ARHGAP42: variants seen among roughly 807,000 people sequenced by gnomAD.
The protein encoded by ARHGAP42 is rho GTPase-activating protein 42.
Under a neutral mutation model 125.0 loss-of-function variants are expected in ARHGAP42, and 63 were observed. The observed-to-expected ratio is 0.50, with a 90% CI of 0.41 to 0.62. The LOEUF (loss-of-function observed/expected upper bound fraction) is 0.62. ARHGAP42 is among the 20% of genes least tolerant of loss of function. The probability of loss-of-function intolerance (pLI) is 0.00; values close to 1 mark genes in which losing one functional copy is unlikely to be tolerated. For missense variants in ARHGAP42, 766 were observed against 1,024.2 expected, an observed-to-expected ratio of 0.75 and a Z score of 3.44; for synonymous variants, 339 against 351.0, an observed-to-expected ratio of 0.97 and a Z score of 0.38.
At chr11:100,962,195 G>A (rs1284358060) in intron 15 of ARHGAP42, among the ~76,000 whole-genome samples, 1 of 151,970 alleles carries the variant, frequency 6.6e-6, no homozygotes, top group East Asian at 1.9e-4. Context: ...GTACATTGGT[G>A]TCTTCGAGGT....
chr11:100,976,584 C>CT (rs1431929911), intron 20 of ARHGAP42, 147 bp downstream of exon 20: 4 of 1,251,984 alleles, frequency 3.2e-6, no homozygotes, highest in Non-Finnish European at 4.3e-6. Context: ...ATTTTACAAC[C>CT]TAGGCACTGT....
intron 2 of ARHGAP42, among the ~76,000 whole-genome samples, chr11:100,781,708 A>G (rs1863315834): frequency 6.6e-6 from 1 of 152,254 alleles, no homozygotes; most frequent in South Asian, 2.1e-4. Flanking sequence ...TGCTACAAAG[A>G]GTCACAATTA....
chr11:100,911,236 G>A (rs929469517), intron 4 of ARHGAP42, among the ~76,000 whole-genome samples: 1 of 152,152 alleles, frequency 6.6e-6, no homozygotes, highest in African/African-American at 2.4e-5. Flanking sequence ...TAGAATGTCT[G>A]TGAGGGTCTG....
intron 3 of ARHGAP42, among the ~76,000 whole-genome samples, chr11:100,843,893 A>C (rs143970460): frequency 5.3e-4 from 81 of 152,304 alleles, no homozygotes; most frequent in African/African-American, 1.8e-3. Context: ...CTACAAATTC[A>C]GTGCAATTCC....
rs535320531 is a variant in ARHGAP42, at chr11:100,906,592, T to G, written c.385-6860T>G. Among the ~76,000 whole-genome samples the G allele has an allele frequency of 2.0e-5, 3 of 151,966 alleles. No individual in the cohort carries two copies. In the East Asian group the frequency reaches 5.8e-4, roughly 29 times the overall value. On this transcript the variant is annotated intron_variant, in intron 4 of 23. Transcript: ENST00000298815. The stretch of plus-strand genomic sequence containing the variant: ...TAATGTGGAAACTTTAAAAAAAAAT[T>G]CATTCTGGAAATATTCCTGAAATTT...
chr11:100,939,163 A>C (rs471180), intron 8 of ARHGAP42, among the ~76,000 whole-genome samples: 133,079 of 152,114 alleles, frequency 0.87, 58,309 homozygotes, highest in East Asian at 1. Context: ...TAACCGGAAG[A>C]GCCAGGGGTT....
intron 11 of ARHGAP42, among the ~76,000 whole-genome samples, chr11:100,948,763 C>A (rs745685982): frequency 1.4e-4 from 21 of 152,016 alleles, no homozygotes; most frequent in Non-Finnish European, 2.5e-4. Flanking sequence ...ATTTAAAACC[C>A]TAAAATTACT....
chr11:100,795,578 G>A (rs904279397), intron 3 of ARHGAP42, among the ~76,000 whole-genome samples: 3 of 152,266 alleles, frequency 2.0e-5, no homozygotes, highest in South Asian at 2.1e-4. Context: ...AAAAGGTAAC[G>A]CTTGAGTTGA....
intron 2 of ARHGAP42, among the ~76,000 whole-genome samples, chr11:100,783,073 AC>A (rs1863352116): frequency 1.3e-5 from 2 of 152,114 alleles, no homozygotes; most frequent in Admixed American, 1.3e-4. Context: ...CAGGGTGATG[AC>A]CGTAAGATCC....
intron 2 of ARHGAP42, among the ~76,000 whole-genome samples, chr11:100,776,293 C>A (rs913589755): frequency 1.3e-5 from 2 of 152,130 alleles, no homozygotes; most frequent in Non-Finnish European, 2.9e-5. Context: ...TGCGATTGTG[C>A]GTAAACAGCT....
intron 5 of ARHGAP42, among the ~76,000 whole-genome samples, chr11:100,919,058 G>T (rs189799287): frequency 6.6e-6 from 1 of 152,248 alleles, no homozygotes; most frequent in African/African-American, 2.4e-5. Flanking sequence ...GGGTACAGGG[G>T]ACAAATTCTG....
intron 1 of ARHGAP42, among the ~76,000 whole-genome samples, chr11:100,692,258 ATTAT>A (rs138418042): frequency 0.012 from 1,885 of 152,324 alleles, 38 homozygotes; most frequent in African/African-American, 0.043. Context: ...TATACATTTA[ATTAT>A]TTATTGTGAT....
intron 1 of ARHGAP42, 141 bp downstream of exon 1, chr11:100,687,973 G>T: frequency 3.1e-6 from 3 of 962,510 alleles, no homozygotes; most frequent in Non-Finnish European, 4.4e-6. Context: ...TCCCCTGCTG[G>T]TGGCCAACAA....
At chr11:100,875,288 G>A (rs1865794462) in intron 4 of ARHGAP42, among the ~76,000 whole-genome samples, 1 of 151,830 alleles carries the variant, frequency 6.6e-6, no homozygotes, top group Non-Finnish European at 1.5e-5. Context: ...ATCAACACAG[G>A]AACGTACTGG....
At chr11:100,885,095 G>T (rs983158183) in intron 4 of ARHGAP42, among the ~76,000 whole-genome samples, 2 of 152,166 alleles carry the variant, frequency 1.3e-5, no homozygotes, top group East Asian at 3.9e-4. Flanking sequence ...TGGGGAGATA[G>T]TATTTAGCGG....
intron 4 of ARHGAP42, among the ~76,000 whole-genome samples, chr11:100,912,187 C>T: frequency 6.6e-6 from 1 of 152,018 alleles, no homozygotes; most frequent in East Asian, 1.9e-4. Flanking sequence ...AGGAAAAATC[C>T]CTTAAGCTAG....
intron 3 of ARHGAP42, chr11:100,859,340 T>A: frequency 2.4e-6 from 1 of 421,716 alleles, no homozygotes; most frequent in Admixed American, 4.5e-5. Context: ...CTTATTTTCG[T>A]ATTTTTCACA....
chr11:100,746,036 G>A lies in ARHGAP42; in HGVS notation c.155-24307G>A, dbSNP rs563215622. Among the ~76,000 whole-genome samples the A allele has an allele frequency of 2.2e-4, 34 of 152,274 alleles. 2 individuals are homozygous for A. In the South Asian group the frequency reaches 6.8e-3, roughly 31 times the overall value. ...TGTCTTATTTTTCCTTTCTCTGGTT[G>A]ATTAAATGCCAGGGTGAAAGGGATA... On this transcript the variant is annotated intron_variant, in intron 1 of 23. Transcript: ENST00000298815.
chr11:100,706,628 A>G (rs1228338660), intron 1 of ARHGAP42, among the ~76,000 whole-genome samples: 1 of 152,238 alleles, frequency 6.6e-6, no homozygotes, highest in Non-Finnish European at 1.5e-5. Context: ...TAAAATGTAC[A>G]AATGATTTAT....
Sources: allele counts gnomAD v4.1 joint callset (sites outside exome capture counted in the v4.1 genomes callset), GRCh38; gene constraint gnomAD v4.1.1; transcripts MANE v1.5; gene names NCBI Gene and HGNC (gene_info 2026-07-23, HGNC 2026-07-21).